The following TRPC4 variants were observed in gnomAD, a reference collection of about 807,000 sequenced individuals.
The protein encoded by TRPC4 is transient receptor potential cation channel subfamily C member 4.
Under a neutral mutation model 99.4 loss-of-function variants are expected in TRPC4, and 49 were observed. That is an observed-to-expected ratio of 0.49 (90% CI 0.39 to 0.63). The LOEUF is 0.63. TRPC4 is among the 20% of genes least tolerant of loss of function. The pLI is 0.00. For synonymous variants in TRPC4, 454 were observed against 425.9 expected (o/e 1.07, Z -0.81); for missense variants, 898 against 1,152.9 (o/e 0.78, Z 3.20).
chr13:37,639,455 A>T (rs897641630), intron 8 of TRPC4, among the ~76,000 whole-genome samples, 156 bp from the exon 9 acceptor site: 2 of 152,098 alleles, frequency 1.3e-5, no homozygotes, highest in Non-Finnish European at 2.9e-5. Flanking sequence ...CTGCACATGA[A>T]TCAAAAGAAT....
intron 8 of TRPC4, among the ~76,000 whole-genome samples, chr13:37,649,747 AAAAAAAAAAAAAAC>A (rs1951970098): frequency 6.8e-6 from 1 of 146,802 alleles, no homozygotes; most frequent in Non-Finnish European, 1.5e-5. Flanking sequence ...AAAAAAAAAA[AAAAAAAAAAAAAAC>A]AACAACAAAG....
At chr13:37,719,169 G>C (rs1394091441) in intron 3 of TRPC4, among the ~76,000 whole-genome samples, 1 of 152,060 alleles carries the variant, frequency 6.6e-6, no homozygotes, top group East Asian at 1.9e-4. Context: ...TGTCAATCCA[G>C]AATTTTATAC....
rs200202830 is a variant in TRPC4 at position 37,663,726 on chromosome 13, T to C, written c.1378A>G (p.Ser460Gly). 3 of 1,605,948 alleles carry C rather than the reference T, an allele frequency of 1.9e-6. No homozygotes were observed. Among genetic ancestry groups the C allele is most frequent in the Non-Finnish European group, 2.5e-6 (3 of 1,176,832 alleles). Residue 460 changes from serine (S) to glycine (G), a missense_variant, in exon 6 of 11, where the codon AGT (serine) becomes GGT (glycine). Physicochemically the swap from Ser to Gly is moderately conservative, Grantham distance 56 (BLOSUM62 0). This residue lies in a region of TRPC4 where 274 missense variants were observed against 454.9 expected (regional missense o/e 0.60). Transcript: ENST00000379705. ...CATGATTCTCGTGGATTAAGGGCAC[T>C]GTACTGGAAAAAACAGAGAAACAAA... ...SLKIVAFVKY[S>G]ALNPRESWDM...
rs748936630 is a variant in TRPC4 at position 37,655,286 on chromosome 13, G to T, written c.1689-3C>A. 6.6e-7 allele frequency: 1 copy of T among 1,506,994 alleles called. No individual in the cohort carries two copies. Among genetic ancestry groups the T allele is most frequent in the Admixed American group, 2.0e-5 (1 of 49,944 alleles). The allele number at this position is 1,506,994 out of a possible 1,614,324, so 93.4% of individuals were successfully genotyped here. A position where few individuals can be genotyped will look rare whatever the true frequency, so the allele number is the denominator to read the frequency against. On this transcript the variant is annotated splice_region_variant and splice_polypyrimidine_tract_variant and intron_variant, in intron 6 of 10. Coordinates refer to ENST00000379705, the MANE Select transcript of TRPC4 (RefSeq NM_016179.4). ...GGGACTGCAGTGTCTCAAATAACCT[G>T]TAATAAAGATAAAATGATACTAATA...
intron 1 of TRPC4, among the ~76,000 whole-genome samples, chr13:37,829,490 T>C (rs1447864773): frequency 6.6e-6 from 1 of 152,136 alleles, no homozygotes; most frequent in Non-Finnish European, 1.5e-5. Flanking sequence ...CAAGTGTTGG[T>C]AAGGACGAGG....
chr13:37,645,125 T>C (rs1441459718), intron 8 of TRPC4, among the ~76,000 whole-genome samples: 1 of 151,890 alleles, frequency 6.6e-6, no homozygotes, highest in Non-Finnish European at 1.5e-5. Context: ...CTTGGCAAAG[T>C]AGCTTTCAAG....
intron 1 of TRPC4, among the ~76,000 whole-genome samples, chr13:37,796,717 C>A (rs1190048300): frequency 6.6e-6 from 1 of 151,772 alleles, no homozygotes; most frequent in East Asian, 1.9e-4. Flanking sequence ...ATGGACTTAG[C>A]CCTATTTGTC....
At chr13:37,760,386 G>A (rs980191119) in intron 2 of TRPC4, among the ~76,000 whole-genome samples, 9 of 151,734 alleles carry the variant, frequency 5.9e-5, no homozygotes, top group African/African-American at 1.2e-4. Flanking sequence ...TTTTTATAAC[G>A]TCCTTTTGTA....
intron 1 of TRPC4, among the ~76,000 whole-genome samples, chr13:37,828,601 G>C (rs1958319694): frequency 6.6e-6 from 1 of 152,174 alleles, no homozygotes; most frequent in Admixed American, 6.5e-5. Flanking sequence ...AATAATGATA[G>C]ATTGGATAAA....
chr13:37,845,053 A>G (rs1379886853), intron 1 of TRPC4, among the ~76,000 whole-genome samples: 1 of 152,188 alleles, frequency 6.6e-6, no homozygotes, highest in African/African-American at 2.4e-5. Flanking sequence ...GCCTCACTGA[A>G]CCATGGAGAA....
intron 1 of TRPC4, among the ~76,000 whole-genome samples, chr13:37,799,075 G>A (rs1172572715): frequency 6.6e-6 from 1 of 151,816 alleles, no homozygotes; most frequent in East Asian, 1.9e-4. Context: ...GGGACTAAAG[G>A]TGCCCACCGC....
chr13:37,689,401 A>T (rs1953606343), intron 4 of TRPC4, among the ~76,000 whole-genome samples: 1 of 152,174 alleles, frequency 6.6e-6, no homozygotes, highest in Non-Finnish European at 1.5e-5. Flanking sequence ...AGGCACTCAC[A>T]ATTCACCAGA....
chr13:37,730,820 T>TGC (rs1282521852), intron 3 of TRPC4, among the ~76,000 whole-genome samples: 1 of 152,108 alleles, frequency 6.6e-6, no homozygotes, highest in African/African-American at 2.4e-5. Context: ...GTTTTCAGGT[T>TGC]GCCCAGTCGA....
At chr13:37,813,404 T>C (rs114192742) in intron 1 of TRPC4, among the ~76,000 whole-genome samples, 1,964 of 151,352 alleles carry the variant, frequency 0.013, 40 homozygotes, top group African/African-American at 0.045. Context: ...TGGATATAAG[T>C]AAAATAGAGA....
intron 2 of TRPC4, among the ~76,000 whole-genome samples, chr13:37,753,554 A>C (rs1456150689): frequency 3.6e-5 from 3 of 82,412 alleles, no homozygotes; most frequent in South Asian, 4.6e-4. Flanking sequence ...AGAGACAGAG[A>C]AAGAAAGAGA....
intron 1 of TRPC4, among the ~76,000 whole-genome samples, chr13:37,801,275 T>G (rs1412887626): frequency 6.6e-6 from 1 of 152,152 alleles, no homozygotes; most frequent in Non-Finnish European, 1.5e-5. Flanking sequence ...TGGCAGAGAA[T>G]CTATGTAAGT....
At chr13:37,688,720 C>G (rs572481118) in intron 4 of TRPC4, among the ~76,000 whole-genome samples, 10 of 152,018 alleles carry the variant, frequency 6.6e-5, no homozygotes, top group Non-Finnish European at 1.3e-4. Flanking sequence ...ATACAACAAG[C>G]AGCTCACAGA....
intron 2 of TRPC4, among the ~76,000 whole-genome samples, chr13:37,775,530 C>T (rs1005950101): frequency 2.0e-5 from 3 of 151,116 alleles, no homozygotes; most frequent in Non-Finnish European, 4.4e-5. Flanking sequence ...GCCCAGCATC[C>T]ATGATGATAA....
In TRPC4 at chr13:37,755,428, TTTA is replaced by T. The variant is rs891267938; in HGVS notation, c.379-8976_379-8974del. On this transcript the variant is annotated intron_variant, in intron 2 of 10. Coordinates refer to ENST00000379705, the MANE Select transcript of TRPC4 (RefSeq NM_016179.4). ...AGCACCACCATACCTGGATAATTTTTTTATTTTTTATTTTTTTATTTTTAGTAG... is the reference window on the plus strand; with the variant it reads ...AGCACCACCATACCTGGATAATTTTTTTTTTTATTTTTTTATTTTTAGTAG... Among the ~76,000 whole-genome samples the T allele has an allele frequency of 6.6e-3, 92 of 13,972 alleles. No homozygotes were observed. The South Asian group carries it at 0.43, about 66-fold the overall frequency. 9.2% of individuals were successfully genotyped at this position (13,972 alleles called of 152,430 possible).
Sources: allele counts gnomAD v4.1 joint callset (sites outside exome capture counted in the v4.1 genomes callset), GRCh38; gene constraint gnomAD v4.1.1; regional missense constraint gnomAD v4.1.1; transcripts MANE v1.5; gene names NCBI Gene and HGNC (gene_info 2026-07-23, HGNC 2026-07-21).